The following CNTNAP2 variants were observed in gnomAD, a reference collection of about 807,000 sequenced individuals.
The protein encoded by CNTNAP2 is contactin associated protein 2, also known as contactin-associated protein-like 2.
CNTNAP2 carries 98 observed loss-of-function variants against 155.2 expected under a neutral mutation model. That is an observed-to-expected ratio of 0.63 (90% CI 0.54 to 0.75). CNTNAP2 has a LOEUF of 0.75. CNTNAP2 is among the 30% of genes least tolerant of loss of function. CNTNAP2 has a pLI of 0.00. For missense variants in CNTNAP2, 1,727 were observed against 1,688.1 expected, an observed-to-expected ratio of 1.02 and a Z score of -0.40; for synonymous variants, 651 against 631.2, an observed-to-expected ratio of 1.03 and a Z score of -0.47.
chr7:146,836,228 G>A (rs769922699), intron 2 of CNTNAP2, among the ~76,000 whole-genome samples: 94 of 143,162 alleles, frequency 6.6e-4, no homozygotes, highest in South Asian at 4.4e-4. Flanking sequence ...ATAGTGAAAG[G>A]TACAGATTTT....
chr7:146,570,153 G>GA (rs561691981), intron 1 of CNTNAP2, among the ~76,000 whole-genome samples: 3 of 152,066 alleles, frequency 2.0e-5, no homozygotes, highest in Middle Eastern at 3.4e-3. Flanking sequence ...TATTACTACA[G>GA]AAAAAAATTC....
At chr7:147,999,281 C>T (rs1156937046) in intron 15 of CNTNAP2, among the ~76,000 whole-genome samples, 2 of 152,074 alleles carry the variant, frequency 1.3e-5, no homozygotes, top group Non-Finnish European at 2.9e-5. Context: ...CGGGGTTTCA[C>T]CATGTTGGCC....
At chr7:146,934,461 G>A (rs868841053) in intron 3 of CNTNAP2, among the ~76,000 whole-genome samples, 3 of 132,376 alleles carry the variant, frequency 2.3e-5, no homozygotes, top group African/African-American at 5.7e-5. Context: ...GGAGGGGGAA[G>A]GGGGGAGGGA....
rs561334833 is a variant in CNTNAP2, at chr7:148,167,386, G to A, written c.2774-4856G>A. ...ACTCCTGACCTCAGATGATCTGCCCGCCTTGGCCTCCCAAAGTGCTGGGAT... is the reference window on the plus strand; with the variant it reads ...ACTCCTGACCTCAGATGATCTGCCCACCTTGGCCTCCCAAAGTGCTGGGAT... On this transcript the variant is annotated intron_variant, in intron 17 of 23. Coordinates refer to ENST00000361727, the MANE Select transcript of CNTNAP2 (RefSeq NM_014141.6). 3.9e-5 allele frequency among the ~76,000 whole-genome samples: 6 copies of A among 152,152 alleles called. No homozygotes were observed. In the South Asian group the frequency reaches 8.3e-4, roughly 21 times the overall value.
chr7:146,870,159 G>A (rs10232020), intron 3 of CNTNAP2, among the ~76,000 whole-genome samples: 118,568 of 151,594 alleles, frequency 0.78, 47,069 homozygotes, highest in African/African-American at 0.92. Context: ...GAATGGTACC[G>A]GCTCTTCTTT....
chr7:148,004,950 G>A (rs190878956), intron 15 of CNTNAP2, among the ~76,000 whole-genome samples: 4 of 152,258 alleles, frequency 2.6e-5, no homozygotes, highest in Admixed American at 2.0e-4. Flanking sequence ...AGTAAATCAA[G>A]GTGCTGAATT....
At chr7:147,091,559 C>A (rs1800405168) in intron 4 of CNTNAP2, among the ~76,000 whole-genome samples, 2 of 151,868 alleles carry the variant, frequency 1.3e-5, no homozygotes, top group Non-Finnish European at 2.9e-5. Context: ...TCAAAAGATT[C>A]TCTTGCCTCA....
intron 15 of CNTNAP2, among the ~76,000 whole-genome samples, chr7:148,038,440 C>T (rs1351865808): frequency 1.3e-5 from 2 of 152,216 alleles, no homozygotes; most frequent in African/African-American, 2.4e-5. Flanking sequence ...TGTCCCCTCT[C>T]GTCTCAGCAG....
chr7:148,147,513 A>C lies in CNTNAP2; in HGVS notation c.2577A>C (p.Ser859=). The C allele has an allele frequency of 6.2e-7, 1 of 1,614,000 alleles. No homozygotes were observed. The highest frequency in any genetic ancestry group is 1.1e-5 in the South Asian group (1 of 91,080). ...ELKSATEVSF[S]FDVGNGPVEI... ...CAGCTGCCACAGAAGTGTCCTTTTC[A>C]TTTGATGTGGGAAATGGGCCAGTAG... Residue 859 remains serine, a synonymous_variant, in exon 17 of 24, where the codon TCA becomes TCC. Coordinates refer to ENST00000361727, the MANE Select transcript of CNTNAP2 (RefSeq NM_014141.6).
intron 20 of CNTNAP2, among the ~76,000 whole-genome samples, chr7:148,239,194 A>C (rs892240926): frequency 2.0e-5 from 3 of 152,134 alleles, no homozygotes; most frequent in Admixed American, 1.3e-4. Flanking sequence ...CCATTTGAAC[A>C]CTCTGGCTTC....
At chr7:146,511,767 T>C (rs1563113758) in intron 1 of CNTNAP2, among the ~76,000 whole-genome samples, 1 of 152,172 alleles carries the variant, frequency 6.6e-6, no homozygotes, top group Non-Finnish European at 1.5e-5. Flanking sequence ...ATGGATTTGG[T>C]ATCAGCATAA....
intron 10 of CNTNAP2, among the ~76,000 whole-genome samples, chr7:147,414,446 A>G (rs984220429): frequency 2.0e-5 from 3 of 151,634 alleles, no homozygotes; most frequent in Non-Finnish European, 4.4e-5. Flanking sequence ...AAAAAAAAAA[A>G]AAAAAGGATG....
chr7:147,165,457 T>C (rs1802097958), intron 8 of CNTNAP2, among the ~76,000 whole-genome samples: 1 of 152,196 alleles, frequency 6.6e-6, no homozygotes, highest in Admixed American at 6.5e-5. Flanking sequence ...GGGTTGTCTG[T>C]TTACTCTGCT....
intron 1 of CNTNAP2, among the ~76,000 whole-genome samples, chr7:146,558,204 A>C (rs2129143906): frequency 6.6e-6 from 1 of 152,268 alleles, no homozygotes; most frequent in Non-Finnish European, 1.5e-5. Context: ...GAAGAGTGGA[A>C]GTGACACTCT....
At chr7:146,652,679 C>T (rs1396915741) in intron 1 of CNTNAP2, among the ~76,000 whole-genome samples, 1 of 152,068 alleles carries the variant, frequency 6.6e-6, no homozygotes, top group African/African-American at 2.4e-5. Flanking sequence ...TAACTTTGAA[C>T]TTCAAGAAGT....
chr7:147,654,192 T>C (rs189747724), intron 13 of CNTNAP2, among the ~76,000 whole-genome samples: 12 of 152,324 alleles, frequency 7.9e-5, no homozygotes, highest in Admixed American at 6.5e-4. Flanking sequence ...ACAAATGACT[T>C]GAATTTTGGA....
At chr7:146,348,937 C>T (rs1794870908) in intron 1 of CNTNAP2, among the ~76,000 whole-genome samples, 1 of 151,610 alleles carries the variant, frequency 6.6e-6, no homozygotes, top group Non-Finnish European at 1.5e-5. Flanking sequence ...ATAAGTTCAT[C>T]AGTTTCAAAT....
chr7:148,383,235 A>C (rs911787902), intron 21 of CNTNAP2, among the ~76,000 whole-genome samples: 73 of 150,260 alleles, frequency 4.9e-4, no homozygotes, highest in Non-Finnish European at 9.1e-4. Flanking sequence ...AAAATAAGTA[A>C]GAGATCTAAA....
At chr7:146,812,621 A>T (rs1803088525) in intron 2 of CNTNAP2, among the ~76,000 whole-genome samples, 1 of 152,136 alleles carries the variant, frequency 6.6e-6, no homozygotes, top group Admixed American at 6.5e-5. Flanking sequence ...GAAAACTTGC[A>T]GCCCCACAGT....
Sources: gnomAD v4.1 joint callset for allele counts (sites outside exome capture counted in the v4.1 genomes callset) on GRCh38, gnomAD v4.1.1 for gene constraint, MANE v1.5 for transcripts, NCBI Gene and HGNC (gene_info 2026-07-23, HGNC 2026-07-21) for gene names.